CBFB: variants seen among roughly 807,000 people sequenced by gnomAD.
The protein encoded by CBFB is CBF-beta.
A neutral mutation model predicts 30.4 loss-of-function variants in CBFB; 9 were observed. That is an observed-to-expected ratio of 0.30 (90% CI 0.18 to 0.52). CBFB has a LOEUF of 0.52. CBFB is among the 20% of genes least tolerant of loss of function. The pLI is 0.97. For missense variants in CBFB, 170 were observed against 244.0 expected, an observed-to-expected ratio of 0.70 and a Z score of 2.02; for synonymous variants, 94 against 84.0, an observed-to-expected ratio of 1.12 and a Z score of -0.65.
chr16:67,039,822 G>T (rs1966501487), intron 3 of CBFB, among the ~76,000 whole-genome samples: 1 of 152,106 alleles, frequency 6.6e-6, no homozygotes, highest in South Asian at 2.1e-4. Context: ...TGGTGTGAAA[G>T]GGACCCTAGA....
At chr16:67,073,139 ATACTC>A (rs1325596556) in intron 4 of CBFB, among the ~76,000 whole-genome samples, 7 of 152,228 alleles carry the variant, frequency 4.6e-5, no homozygotes, top group African/African-American at 1.4e-4. Context: ...AATTGACAAA[ATACTC>A]TAACAAATGC....
chr16:67,095,622 G>A (rs969111672), intron 5 of CBFB, among the ~76,000 whole-genome samples: 3 of 151,370 alleles, frequency 2.0e-5, no homozygotes, highest in Non-Finnish European at 4.4e-5. Flanking sequence ...TGAGGCTGTA[G>A]GGTGCTATGT....
chr16:67,038,767 A>G (rs1034075172), intron 3 of CBFB, among the ~76,000 whole-genome samples: 4 of 151,982 alleles, frequency 2.6e-5, no homozygotes, highest in African/African-American at 7.2e-5. Flanking sequence ...GATACTAAAG[A>G]CGTAAACCAA....
At chr16:67,036,545 C>A in intron 2 of CBFB, 94 bp from the exon 3 acceptor site, 1 of 744,910 alleles carries the variant, frequency 1.3e-6, no homozygotes, top group Non-Finnish European at 2.4e-6. Flanking sequence ...TGCTGCCTGG[C>A]TTAAGACATA....
rs1163773529 is a variant in CBFB, at chr16:67,055,357, C to CTTTTTTTTTTTTTTTTTT, written c.283-11315_283-11298dup. Among the ~76,000 whole-genome samples the CTTTTTTTTTTTTTTTTTT allele has an allele frequency of 6.8e-4, 55 of 81,468 alleles. 5 individuals carry two copies. Among genetic ancestry groups the CTTTTTTTTTTTTTTTTTT allele is most frequent in the African/African-American group, 1.7e-3 (32 of 18,446 alleles). 53.4% of individuals were successfully genotyped at this position (81,468 alleles called of 152,430 possible). On this transcript the variant is annotated intron_variant, in intron 3 of 5. Transcript: ENST00000412916. ...AAATCTATTGAATTCCAGACACTTT[C>CTTTTTTTTTTTTTTTTTT]TTTTTTTTTTTTTTTTTTTTTTTTT...
chr16:67,071,644 T>TAA (rs1251232921), intron 4 of CBFB, among the ~76,000 whole-genome samples: 3 of 152,198 alleles, frequency 2.0e-5, no homozygotes, highest in Non-Finnish European at 4.4e-5. Flanking sequence ...TGCTGGCAAG[T>TAA]TATTAAATCT....
chr16:67,049,655 TG>T (rs71668849), intron 3 of CBFB, among the ~76,000 whole-genome samples: 2,178 of 152,092 alleles, frequency 0.014, 66 homozygotes, highest in African/African-American at 0.05. Flanking sequence ...TGTTTTTTTT[TG>T]TTTTACTTTT....
intron 3 of CBFB, among the ~76,000 whole-genome samples, chr16:67,042,024 C>G (rs11642687): frequency 2.6e-5 from 4 of 151,874 alleles, no homozygotes; most frequent in African/African-American, 9.7e-5. Flanking sequence ...CTTCCCACCT[C>G]AGCCTCCTGT....
chr16:67,037,666 A>ATTTTTTTT (rs35804914), intron 3 of CBFB, among the ~76,000 whole-genome samples: 29 of 129,288 alleles, frequency 2.2e-4, no homozygotes, highest in African/African-American at 7.7e-4. Flanking sequence ...GATTTTGGTA[A>ATTTTTTTT]TTTTTTTTTT....
At chr16:67,035,629 G>C (rs759848322) in intron 2 of CBFB, among the ~76,000 whole-genome samples, 2 of 152,162 alleles carry the variant, frequency 1.3e-5, no homozygotes, top group Non-Finnish European at 2.9e-5. Flanking sequence ...AGCTAACTTG[G>C]TTGATGGCTT....
chr16:67,029,502 G>A lies in CBFB; in HGVS notation c.78+17G>A. The A allele has an allele frequency of 6.3e-7, 1 of 1,579,580 alleles. No homozygotes were observed. Among genetic ancestry groups the A allele is most frequent in the Non-Finnish European group, 8.6e-7 (1 of 1,164,862 alleles). ...GAGTGTGAGGTGAGGCAGGCGGGCG[G>A]GCGGCTAGGAGGCCGCAGCGCGCCC... is the stretch of plus-strand genomic sequence containing the variant. On this transcript the variant is annotated intron_variant, in intron 1 of 5. Coordinates refer to ENST00000412916, the MANE Select transcript of CBFB (RefSeq NM_022845.3).
chr16:67,036,802 T>G, intron 3 of CBFB, 47 bp downstream of exon 3: 3 of 1,038,850 alleles, frequency 2.9e-6, no homozygotes, highest in Non-Finnish European at 4.6e-6. Context: ...GTTGTTTTGT[T>G]AGAGATTATC....
At chr16:67,079,244 C>T (rs1961489587) in intron 4 of CBFB, among the ~76,000 whole-genome samples, 1 of 152,202 alleles carries the variant, frequency 6.6e-6, no homozygotes, top group South Asian at 2.1e-4. Flanking sequence ...ATTACTATGC[C>T]TTTCTTACAT....
chr16:67,041,233 T>C (rs886884049), intron 3 of CBFB, among the ~76,000 whole-genome samples: 2 of 152,182 alleles, frequency 1.3e-5, no homozygotes, highest in Non-Finnish European at 2.9e-5. Context: ...CTCCTGCACC[T>C]AGCTCAGGCT....
rs1962136229 is a variant in CBFB, at chr16:67,098,862, A to G, written c.*84A>G. On this transcript the variant is annotated 3_prime_UTR_variant, in exon 6 of 6. Coordinates refer to ENST00000412916, the MANE Select transcript of CBFB (RefSeq NM_022845.3). ...AGAAATAATTGATTAAAAGACCAGA[A>G]ACTGTGATAACTGGAGGTACTACGG... The G allele has an allele frequency of 2.5e-6, 2 of 811,850 alleles. No individual in the cohort carries two copies. The highest frequency in any genetic ancestry group is 4.4e-6 in the Non-Finnish European group (2 of 457,480). 50.3% of individuals were successfully genotyped at this position (811,850 alleles called of 1,614,324 possible).
At chr16:67,033,588 C>A (rs1297769751) in intron 2 of CBFB, among the ~76,000 whole-genome samples, 1 of 151,828 alleles carries the variant, frequency 6.6e-6, no homozygotes, top group Non-Finnish European at 1.5e-5. Context: ...CCACTGCACC[C>A]AGCCTTGATT....
At chr16:67,092,758 G>A (rs186605483) in intron 5 of CBFB, among the ~76,000 whole-genome samples, 12 of 120,718 alleles carry the variant, frequency 9.9e-5, no homozygotes, top group Non-Finnish European at 1.6e-4. Flanking sequence ...TGCTGCCCAG[G>A]CTGGAGTGCA....
intron 3 of CBFB, among the ~76,000 whole-genome samples, chr16:67,048,429 A>G (rs1966669362): frequency 6.6e-6 from 1 of 152,236 alleles, no homozygotes; most frequent in African/African-American, 2.4e-5. Context: ...ACATATTCTC[A>G]GTGAGACTAT....
At chr16:67,072,537 G>T (rs1025031018) in intron 4 of CBFB, among the ~76,000 whole-genome samples, 4 of 151,960 alleles carry the variant, frequency 2.6e-5, no homozygotes, top group Admixed American at 1.3e-4. Flanking sequence ...CACAATCTGG[G>T]CTCACCTCAA....
Sources: gnomAD v4.1 joint callset for allele counts (sites outside exome capture counted in the v4.1 genomes callset) on GRCh38, gnomAD v4.1.1 for gene constraint, MANE v1.5 for transcripts, NCBI Gene and HGNC (gene_info 2026-07-23, HGNC 2026-07-21) for gene names.